The following EIF4ENIF1 variants were observed in gnomAD, a reference collection of about 807,000 sequenced individuals.
The protein encoded by EIF4ENIF1 is eukaryotic translation initiation factor 4E nuclear import factor 1.
A neutral mutation model predicts 110.5 loss-of-function variants in EIF4ENIF1; 23 were observed. The ratio of observed to expected loss-of-function variants is 0.21; its 90% CI spans 0.15 to 0.29. The LOEUF is 0.29. Among genes scored for constraint, EIF4ENIF1 ranks in the 10% least tolerant of loss-of-function variants. The pLI is 1.00. For missense variants in EIF4ENIF1, 1,031 were observed against 1,221.1 expected, an observed-to-expected ratio of 0.84 and a Z score of 2.32; for synonymous variants, 440 against 437.0, an observed-to-expected ratio of 1.01 and a Z score of -0.09.
In EIF4ENIF1 at chr22:31,463,986, G is replaced by C; in HGVS notation, c.299-19C>G. ...CGTGGATCTGGAAGGACGTGGGAAA[G>C]ACAAAGTTAAACAAACCAACAAGGG... On this transcript the variant is annotated intron_variant, in intron 4 of 18. Coordinates refer to ENST00000330125, the MANE Select transcript of EIF4ENIF1 (RefSeq NM_019843.4). 9.4e-6 allele frequency: 15 copies of C among 1,602,326 alleles called. No homozygotes were observed. Among genetic ancestry groups the C allele is most frequent in the Non-Finnish European group, 1.3e-5 (15 of 1,176,292 alleles).
downstream of EIF4ENIF1, chr22:31,437,159 C>T (rs1267498007): frequency 6.6e-6 from 1 of 152,248 alleles, no homozygotes; most frequent in African/African-American, 2.4e-5. Flanking sequence ...TATTTAACTG[C>T]TTCCTTTGGG....
upstream of EIF4ENIF1, among the ~76,000 whole-genome samples, chr22:31,493,318 C>G (rs1233532532): frequency 6.6e-6 from 1 of 152,128 alleles, no homozygotes; most frequent in Non-Finnish European, 1.5e-5. Context: ...TGTGAGCCAC[C>G]GCGCCTGGCC....
At chr22:31,443,692 G>A (rs975190553) in intron 15 of EIF4ENIF1, among the ~76,000 whole-genome samples, 11 of 151,834 alleles carry the variant, frequency 7.2e-5, no homozygotes, top group African/African-American at 2.7e-4. Flanking sequence ...CTGCCTTCAA[G>A]GTCACCGGTG....
At chr22:31,440,901 T>A in intron 17 of EIF4ENIF1, 33 bp from the exon 18 acceptor site, 1 of 1,611,578 alleles carries the variant, frequency 6.2e-7, no homozygotes, top group Non-Finnish European at 8.5e-7. Flanking sequence ...AGCTGAGTAG[T>A]CTTAATGTTA....
In EIF4ENIF1 at chr22:31,458,632, C is replaced by T; in HGVS notation, c.806G>A (p.Gly269Glu). The change falls in exon 7 of 19, where the codon GGA becomes GAA. Residue 269 changes from glycine (G) to glutamate (E), a missense_variant. Coordinates refer to ENST00000330125, the MANE Select transcript of EIF4ENIF1 (RefSeq NM_019843.4). ...CACTTCATCCTCTTCGGCCACTCCTCCATTGCACTCTACTATACCTGAAAG... is the reference window on the plus strand; with the variant it reads ...CACTTCATCCTCTTCGGCCACTCCTTCATTGCACTCTACTATACCTGAAAG... ...SVKEGIVECN[G>E]GVAEEDEVEV... 1 of 1,605,464 alleles carries T rather than the reference C, an allele frequency of 6.2e-7. No individual in the cohort carries two copies. Among genetic ancestry groups the T allele is most frequent in the Non-Finnish European group, 8.5e-7 (1 of 1,175,794 alleles).
At chr22:31,475,473 C>T (rs1277020877) in intron 2 of EIF4ENIF1, among the ~76,000 whole-genome samples, 1 of 152,000 alleles carries the variant, frequency 6.6e-6, no homozygotes, top group Non-Finnish European at 1.5e-5. Context: ...TCGAGTGGGC[C>T]GGGCACAGTG....
chr22:31,441,334 T>C (rs1232567215), intron 17 of EIF4ENIF1, among the ~76,000 whole-genome samples: 1 of 151,954 alleles, frequency 6.6e-6, no homozygotes, highest in African/African-American at 2.4e-5. Flanking sequence ...ACTTAGGAGT[T>C]TGAGACCAGC....
intron 14 of EIF4ENIF1, among the ~76,000 whole-genome samples, chr22:31,446,285 C>CAA (rs3068275): frequency 2.8e-5 from 3 of 105,674 alleles, no homozygotes; most frequent in Non-Finnish European, 5.4e-5. Context: ...AGATTGTCTC[C>CAA]AAAAAAAAAA....
At chr22:31,474,835 A>C (rs543713714) in intron 2 of EIF4ENIF1, among the ~76,000 whole-genome samples, 73 of 152,232 alleles carry the variant, frequency 4.8e-4, no homozygotes, top group Non-Finnish European at 9.7e-4. Flanking sequence ...CACCAGTAAA[A>C]TGCTGCAACT....
intron 2 of EIF4ENIF1, chr22:31,479,520 A>G (rs2051729908): frequency 6.6e-6 from 1 of 152,094 alleles, no homozygotes; most frequent in South Asian, 2.1e-4. Flanking sequence ...CCATCTCATC[A>G]AGAGCCCTTA....
chr22:31,464,726 A>AT, intron 4 of EIF4ENIF1, among the ~76,000 whole-genome samples: 1 of 57,350 alleles, frequency 1.7e-5, no homozygotes. Context: ...ATATATATAT[A>AT]AACAGATATA....
chr22:31,448,380 C>A, intron 12 of EIF4ENIF1, 148 bp from the exon 13 acceptor site: 1 of 798,686 alleles, frequency 1.3e-6, no homozygotes, highest in South Asian at 1.6e-5. Context: ...TCCCTCTGTG[C>A]CCCAACAGTG....
chr22:31,484,609 G>T (rs998162532), intron 2 of EIF4ENIF1, among the ~76,000 whole-genome samples: 2 of 151,912 alleles, frequency 1.3e-5, no homozygotes, highest in African/African-American at 4.8e-5. Context: ...CAAGGTGGGC[G>T]GATCACCTGA....
At chr22:31,464,700 ATATAT>A (rs1334035482) in intron 4 of EIF4ENIF1, among the ~76,000 whole-genome samples, 5 of 61,348 alleles carry the variant, frequency 8.2e-5, no homozygotes, top group Admixed American at 1.7e-4. Flanking sequence ...AAAAAAAAAA[ATATAT>A]ATATATATAT....
chr22:31,446,530 G>A (rs967151146), intron 14 of EIF4ENIF1, among the ~76,000 whole-genome samples: 6 of 151,984 alleles, frequency 3.9e-5, no homozygotes, highest in African/African-American at 1.5e-4. Flanking sequence ...GAGGCACTGT[G>A]GTAGTAACTT....
chr22:31,464,982 A>G (rs1257466881), intron 4 of EIF4ENIF1, among the ~76,000 whole-genome samples: 3 of 151,788 alleles, frequency 2.0e-5, no homozygotes, highest in Non-Finnish European at 1.5e-5. Context: ...CTGAGACAAA[A>G]TATTTCAAAG....
At chr22:31,449,267 C>T in intron 12 of EIF4ENIF1, 81 bp downstream of exon 12, 8 of 1,479,714 alleles carry the variant, frequency 5.4e-6, no homozygotes, top group Non-Finnish European at 7.4e-6. Flanking sequence ...ACCTCGGCCT[C>T]CCAGAGTGCT....
chr22:31,484,355 T>TG (rs2051938797), intron 2 of EIF4ENIF1, among the ~76,000 whole-genome samples: 2 of 152,094 alleles, frequency 1.3e-5, no homozygotes, highest in South Asian at 4.1e-4. Context: ...CTTCTACTCA[T>TG]GGGGGAAAAA....
At chr22:31,483,940 G>A (rs2051922365) in intron 2 of EIF4ENIF1, among the ~76,000 whole-genome samples, 1 of 152,160 alleles carries the variant, frequency 6.6e-6, no homozygotes, top group Admixed American at 6.6e-5. Flanking sequence ...ATCCCACAAT[G>A]AGATTTAGGA....
Sources: allele counts gnomAD v4.1 joint callset (sites outside exome capture counted in the v4.1 genomes callset), GRCh38; gene constraint gnomAD v4.1.1; transcripts MANE v1.5; gene names NCBI Gene and HGNC (gene_info 2026-07-23, HGNC 2026-07-21).